Variants in KLF12 observed in about 807,000 individuals in gnomAD.
The protein encoded by KLF12 is Krueppel-like factor 12.
In KLF12, 9 loss-of-function variants were observed where a neutral mutation model predicts 37.8. That is an observed-to-expected ratio of 0.24 (90% CI 0.14 to 0.42). KLF12 has a LOEUF of 0.42. KLF12 is among the 10% of genes least tolerant of loss of function. The pLI is 1.00. For synonymous variants in KLF12, 208 were observed against 202.1 expected (o/e 1.03, Z -0.25); for missense variants, 411 against 516.0 (o/e 0.80, Z 1.97).
chr13:74,005,628 C>A (rs909101844), intron 1 of KLF12, among the ~76,000 whole-genome samples: 3 of 149,786 alleles, frequency 2.0e-5, no homozygotes, highest in Admixed American at 1.3e-4. Flanking sequence ...TACTAGAAAT[C>A]GGGAATACAG....
At chr13:73,926,930 C>T (rs1889412881) in intron 3 of KLF12, among the ~76,000 whole-genome samples, 1 of 99,836 alleles carries the variant, frequency 1.0e-5, no homozygotes. Flanking sequence ...AACTCCGTGT[C>T]TCCTTTGAAA....
At chr13:74,268,628 A>G in the KLF12 span, among the ~76,000 whole-genome samples, 2 of 152,188 alleles carry the variant, frequency 1.3e-5, no homozygotes, top group African/African-American at 4.8e-5. Context: ...ACTCCTGTTC[A>G]GGAGAGCAGT....
the KLF12 span, among the ~76,000 whole-genome samples, chr13:74,161,290 T>C: frequency 6.6e-6 from 1 of 152,086 alleles, no homozygotes; most frequent in African/African-American, 2.4e-5. Context: ...TGTGACCTTA[T>C]TTGAAAATAG....
chr13:73,695,520 G>C lies in KLF12; in HGVS notation c.1179C>G (p.Ala393=), dbSNP rs916863285. 3 of 1,613,982 alleles carry C rather than the reference G, an allele frequency of 1.9e-6. No homozygotes were observed. Among genetic ancestry groups the C allele is most frequent in the Non-Finnish European group, 2.5e-6 (3 of 1,179,966 alleles). Residue 393 remains alanine, a synonymous_variant, in exon 8 of 8, where the codon GCC becomes GCG. Coordinates refer to ENST00000377669, the MANE Select transcript of KLF12 (RefSeq NM_007249.5). ...CCAACATATGCCTCCGGCGGTGCAGGGCCAAATGATCTGACCGGGAAAAGC... is the reference window on the plus strand; with the variant it reads ...CCAACATATGCCTCCGGCGGTGCAGCGCCAAATGATCTGACCGGGAAAAGC...
chr13:74,100,340 G>C (rs1876254300), intron 1 of KLF12, among the ~76,000 whole-genome samples: 1 of 152,114 alleles, frequency 6.6e-6, no homozygotes. Context: ...CACAGAAGCT[G>C]GGTGCGGTGT....
intron 2 of KLF12, chr13:73,962,036 C>A (rs1169904267): frequency 4.4e-6 from 2 of 453,776 alleles, no homozygotes; most frequent in Non-Finnish European, 8.8e-6. Context: ...ACCTTTATAG[C>A]AGCATTATTC....
At chr13:74,182,186 T>C in the KLF12 span, among the ~76,000 whole-genome samples, 1 of 152,182 alleles carries the variant, frequency 6.6e-6, no homozygotes, top group Non-Finnish European at 1.5e-5. Context: ...CTTTTATCTA[T>C]ATTTGAAAAG....
chr13:73,845,737 A>G, intron 4 of KLF12, 90 bp downstream of exon 4: 1 of 1,143,308 alleles, frequency 8.7e-7, no homozygotes, highest in South Asian at 1.5e-5. Flanking sequence ...CTTTAGATGT[A>G]GTGTTTGTAT....
At chr13:74,072,364 A>AATATATTTATATATATATATAT (rs1398595283) in intron 1 of KLF12, among the ~76,000 whole-genome samples, 1 of 63,064 alleles carries the variant, frequency 1.6e-5, no homozygotes, top group Non-Finnish European at 3.2e-5. Context: ...AAGAAATACA[A>AATATATTTATATATATATATAT]ATATATATAT....
intron 6 of KLF12, among the ~76,000 whole-genome samples, chr13:73,747,561 A>C (rs577118602): frequency 6.6e-6 from 1 of 152,338 alleles, no homozygotes; most frequent in East Asian, 1.9e-4. Flanking sequence ...AATGTTAGCT[A>C]TGTATTAGTC....
intron 3 of KLF12, among the ~76,000 whole-genome samples, chr13:73,934,841 G>A (rs182213335): frequency 6.6e-6 from 1 of 151,972 alleles, no homozygotes; most frequent in East Asian, 1.9e-4. Flanking sequence ...TTGTAGGTAT[G>A]ATAAGCAACT....
At chr13:74,065,201 TACACACACAC>T (rs77575006) in intron 1 of KLF12, among the ~76,000 whole-genome samples, 2 of 111,936 alleles carry the variant, frequency 1.8e-5, no homozygotes, top group African/African-American at 2.7e-5. Context: ...ATCTGATTCT[TACACACACAC>T]ACACACACAC....
At chr13:74,039,773 GCTTGGA>G (rs1893353183) in intron 1 of KLF12, among the ~76,000 whole-genome samples, 1 of 152,194 alleles carries the variant, frequency 6.6e-6, no homozygotes. Flanking sequence ...TTTAGCCTCA[GCTTGGA>G]TGAGTGCTGC....
chr13:73,691,850 T>C lies in KLF12; in HGVS notation c.*3640A>G, dbSNP rs1873841132. 1 of 152,626 alleles carries C rather than the reference T, an allele frequency of 6.6e-6. No homozygotes were observed. The allele number at this position is 152,626 out of a possible 1,614,324, so 9.5% of individuals were successfully genotyped here. On this transcript the variant is annotated 3_prime_UTR_variant, in exon 8 of 8. Coordinates refer to ENST00000377669, the MANE Select transcript of KLF12 (RefSeq NM_007249.5). The stretch of plus-strand genomic sequence containing the variant: ...GGCAATTTAAAGTTAAAAAGAATTG[T>C]ATAAAAATGAACACAATCTTTGCAT...
Position 73,688,407 on chromosome 13 carries a change from C to T in KLF12, c.*7083G>A, listed in dbSNP as rs1873621885. On this transcript the variant is annotated 3_prime_UTR_variant, in exon 8 of 8. Transcript: ENST00000377669. The stretch of plus-strand genomic sequence containing the variant: ...TCATCATCTGAACGTTTGATTGCCA[C>T]CCCATTACCAACTGCAAGAGTGGGC... The T allele has an allele frequency of 6.6e-6, 1 of 152,198 alleles. No individual in the cohort carries two copies. The highest frequency in any genetic ancestry group is 6.6e-5 in the Admixed American group (1 of 15,264). The allele number at this position is 152,198 out of a possible 1,614,324, so 9.4% of individuals were successfully genotyped here. A position where few individuals can be genotyped will look rare whatever the true frequency, so the allele number is the denominator to read the frequency against.
chr13:74,277,613 T>C, the KLF12 span, among the ~76,000 whole-genome samples: 1 of 152,140 alleles, frequency 6.6e-6, no homozygotes, highest in African/African-American at 2.4e-5. Flanking sequence ...GGGGCGGTAA[T>C]CATAAAGCAA....
chr13:73,830,304 T>C (rs1325154847), intron 4 of KLF12, among the ~76,000 whole-genome samples: 1 of 152,162 alleles, frequency 6.6e-6, no homozygotes, highest in Non-Finnish European at 1.5e-5. Flanking sequence ...CCAACACATT[T>C]TGGACAGCAG....
intron 5 of KLF12, chr13:73,801,906 C>T (rs1882297482): frequency 6.6e-6 from 1 of 151,894 alleles, no homozygotes; most frequent in Non-Finnish European, 1.5e-5. Context: ...AAAACAAAAC[C>T]TTTAGTTTTC....
At chr13:73,732,826 C>A (rs1410617958) in intron 6 of KLF12, among the ~76,000 whole-genome samples, 4 of 152,050 alleles carry the variant, frequency 2.6e-5, no homozygotes. Context: ...AAGCAGATAA[C>A]TCTAACTTAA....
Sources: allele counts gnomAD v4.1 joint callset (sites outside exome capture counted in the v4.1 genomes callset), GRCh38; gene constraint gnomAD v4.1.1; transcripts MANE v1.5; gene names NCBI Gene and HGNC (gene_info 2026-07-23, HGNC 2026-07-21).